BMPR2: variants seen among roughly 807,000 people sequenced by gnomAD.
The protein encoded by BMPR2 is bone morphogenetic protein receptor type 2.
A neutral mutation model predicts 100.8 loss-of-function variants in BMPR2; 29 were observed. The observed-to-expected ratio is 0.29, with a 90% CI of 0.21 to 0.39. The LOEUF is 0.39. Ranked by LOEUF, BMPR2 falls within the 10% of genes least tolerant of loss-of-function variation. BMPR2 has a pLI of 1.00. For missense variants in BMPR2, 1,011 were observed against 1,274.5 expected, an observed-to-expected ratio of 0.79 and a Z score of 3.15; for synonymous variants, 382 against 442.3, an observed-to-expected ratio of 0.86 and a Z score of 1.71.
chr2:202,492,342 TACATTATACACGAAA>T (rs1163778044), intron 3 of BMPR2, among the ~76,000 whole-genome samples: 3 of 152,022 alleles, frequency 2.0e-5, no homozygotes, highest in Non-Finnish European at 4.4e-5. Flanking sequence ...ATAATGCTTA[TACATTATACACGAAA>T]ATGTATATAA....
intron 5 of BMPR2, among the ~76,000 whole-genome samples, chr2:202,516,272 C>T (rs574919116): frequency 6.6e-6 from 1 of 151,922 alleles, no homozygotes; most frequent in Non-Finnish European, 1.5e-5. Flanking sequence ...ATACCATAAA[C>T]AAAGATAAAA....
At chr2:202,510,968 C>T (rs966819534) in intron 3 of BMPR2, among the ~76,000 whole-genome samples, 6 of 150,734 alleles carry the variant, frequency 4.0e-5, no homozygotes, top group Admixed American at 1.3e-4. Flanking sequence ...AGTGAGCCAC[C>T]GCACCTGGCT....
At position 202,433,805 on chromosome 2, in the gene BMPR2, G is replaced by A. The variant is rs908778680; in HGVS notation, c.77-31004G>A. The stretch of plus-strand genomic sequence containing the variant: ...CGCCTGTAGTCCCAGCTGCTCGGGA[G>A]GCTGAGCCAGGAGAATTGCTTGAAC... On this transcript the variant is annotated intron_variant, in intron 1 of 12. Transcript: ENST00000374580. Among the ~76,000 whole-genome samples the A allele has an allele frequency of 1.6e-4, 24 of 150,438 alleles. 3 individuals carry two copies. The highest frequency in any genetic ancestry group is 6.2e-4 in the South Asian group (3 of 4,822).
At position 202,434,908 on chromosome 2, in the gene BMPR2, AATATATATAT is replaced by A. The variant is rs1553500439; in HGVS notation, c.77-29882_77-29873del. Among the ~76,000 whole-genome samples, 116 of 38,424 alleles carry A rather than the reference AATATATATAT, an allele frequency of 3.0e-3. 3 individuals are homozygous for A. Among genetic ancestry groups the A allele is most frequent in the Non-Finnish European group, 3.9e-3 (89 of 22,890 alleles). 25.2% of individuals were successfully genotyped at this position (38,424 alleles called of 152,430 possible). ...AAAAAAAAAAAAAAAAAAAAAAAAAAATATATATATATATATATATATATATATTTATTTA... is the reference window on the plus strand; with the variant it reads ...AAAAAAAAAAAAAAAAAAAAAAAAAAATATATATATATATATATTTATTTA... On this transcript the variant is annotated intron_variant, in intron 1 of 12. Transcript: ENST00000374580.
intron 3 of BMPR2, chr2:202,474,877 G>A (rs1692511890): frequency 6.6e-6 from 1 of 152,116 alleles, no homozygotes; most frequent in Admixed American, 6.6e-5. Context: ...AATTTAAAAT[G>A]AGAATATATT....
At chr2:202,538,251 C>CGA in intron 9 of BMPR2, among the ~76,000 whole-genome samples, 1 of 149,410 alleles carries the variant, frequency 6.7e-6, no homozygotes, top group East Asian at 2.0e-4. Context: ...GTCAGGAGTT[C>CGA]GAAACCAGCC....
At chr2:202,510,470 A>G (rs1295783239) in intron 3 of BMPR2, among the ~76,000 whole-genome samples, 1 of 152,210 alleles carries the variant, frequency 6.6e-6, no homozygotes, top group African/African-American at 2.4e-5. Context: ...TGCTAAGTGA[A>G]AGAAGGCAGT....
rs754377555 is a variant in BMPR2 at position 202,532,548 on chromosome 2, C to A, written c.1129-37C>A. The A allele has an allele frequency of 1.3e-4, 204 of 1,606,106 alleles. No individual in the cohort carries two copies. The highest frequency in any genetic ancestry group is 1.6e-4 in the Non-Finnish European group (190 of 1,173,230). On this transcript the variant is annotated intron_variant, in intron 8 of 12. Transcript: ENST00000374580. This position sits in a 1 kb window ranked among gnomAD's most constrained non-coding sequence, Gnocchi z 4.1. ...AATGTCTGTTCTTCAGAATATGCTA[C>A]GTTCTCTCTCTAAAAAATATCACTC...
chr2:202,527,810 A>T (rs1486326995), intron 7 of BMPR2, among the ~76,000 whole-genome samples: 1 of 151,924 alleles, frequency 6.6e-6, no homozygotes, highest in Non-Finnish European at 1.5e-5. Context: ...AAATAATAAT[A>T]AAAAAATAAA....
chr2:202,405,784 T>C (rs931330781), intron 1 of BMPR2, among the ~76,000 whole-genome samples: 2 of 151,930 alleles, frequency 1.3e-5, no homozygotes, highest in Admixed American at 1.3e-4. Flanking sequence ...TCCTTCAACT[T>C]GTCATATTTT....
At chr2:202,433,396 G>C (rs1444418028) in intron 1 of BMPR2, among the ~76,000 whole-genome samples, 20 of 150,644 alleles carry the variant, frequency 1.3e-4, no homozygotes. Context: ...ACTTGAACAG[G>C]ATCTAGTTTG....
At chr2:202,378,674 TAAATC>T (rs1690208595) in intron 1 of BMPR2, among the ~76,000 whole-genome samples, 1 of 152,222 alleles carries the variant, frequency 6.6e-6, no homozygotes, top group South Asian at 2.1e-4. Context: ...AAATTGATGA[TAAATC>T]TATATGGTTC....
chr2:202,444,079 C>T (rs1229156855), intron 1 of BMPR2, among the ~76,000 whole-genome samples: 19 of 150,774 alleles, frequency 1.3e-4, no homozygotes, highest in Non-Finnish European at 2.2e-4. Flanking sequence ...TCCCCTGGGG[C>T]GTAAAACTGC....
chr2:202,522,180 A>C (rs1334045991), intron 7 of BMPR2, among the ~76,000 whole-genome samples: 1 of 150,384 alleles, frequency 6.6e-6, no homozygotes, highest in Admixed American at 6.6e-5. Flanking sequence ...AAAACGAAAG[A>C]AAAAGAACTT....
At chr2:202,526,046 G>A (rs1165090612) in intron 7 of BMPR2, among the ~76,000 whole-genome samples, 1 of 151,720 alleles carries the variant, frequency 6.6e-6, no homozygotes, top group Admixed American at 6.6e-5. Context: ...TGTATTTTTA[G>A]TAGAGATGGG....
At chr2:202,470,605 CAA>C (rs1050305331) in intron 3 of BMPR2, among the ~76,000 whole-genome samples, 1 of 146,654 alleles carries the variant, frequency 6.8e-6, no homozygotes, top group African/African-American at 2.5e-5. Flanking sequence ...ACTAAAAATA[CAA>C]AAAAAAATTA....
chr2:202,544,716 A>G (rs1437146703), intron 10 of BMPR2, among the ~76,000 whole-genome samples: 1 of 151,310 alleles, frequency 6.6e-6, no homozygotes, highest in Non-Finnish European at 1.5e-5. Context: ...TTGAAAATTC[A>G]AAAGTTTCTT....
At chr2:202,509,473 T>C (rs1021013090) in intron 3 of BMPR2, among the ~76,000 whole-genome samples, 2 of 151,836 alleles carry the variant, frequency 1.3e-5, no homozygotes, top group African/African-American at 2.4e-5. Context: ...TATTTTGTAA[T>C]AAAAGCTTGA....
At chr2:202,409,818 A>C (rs1233212561) in intron 1 of BMPR2, among the ~76,000 whole-genome samples, 1 of 152,094 alleles carries the variant, frequency 6.6e-6, no homozygotes, top group African/African-American at 2.4e-5. Flanking sequence ...TCTTTCTCAT[A>C]GGGGCAGGGG....
Sources: allele counts gnomAD v4.1 joint callset (sites outside exome capture counted in the v4.1 genomes callset), GRCh38; gene constraint gnomAD v4.1.1; non-coding constraint Gnocchi (gnomAD v3.1); transcripts MANE v1.5; gene names NCBI Gene and HGNC (gene_info 2026-07-23, HGNC 2026-07-21).